The following CCDC148 variants were observed in gnomAD, a reference collection of about 807,000 sequenced individuals.
CCDC148 encodes the protein coiled-coil domain containing 148.
A neutral mutation model predicts 85.7 loss-of-function variants in CCDC148; 89 were observed. The observed-to-expected ratio is 1.04, with a 90% CI of 0.87 to 1.24. The LOEUF (loss-of-function observed/expected upper bound fraction) is 1.24, where lower values mean the gene tolerates loss of function less well. Among genes scored for constraint, CCDC148 ranks in the 50% most tolerant of loss-of-function variants. The pLI is 0.00. For missense variants in CCDC148, 692 were observed against 671.7 expected, an observed-to-expected ratio of 1.03 and a Z score of -0.33; for synonymous variants, 230 against 213.9, an observed-to-expected ratio of 1.08 and a Z score of -0.66.
intron 1 of CCDC148, among the ~76,000 whole-genome samples, chr2:158,428,805 T>C (rs962688025): frequency 3.3e-5 from 5 of 152,024 alleles, no homozygotes; most frequent in African/African-American, 1.2e-4. Flanking sequence ...CAAAGGATTA[T>C]AAATCATTCT....
At chr2:158,382,228 T>C (rs1684901441) in intron 1 of CCDC148, among the ~76,000 whole-genome samples, 1 of 152,264 alleles carries the variant, frequency 6.6e-6, no homozygotes, top group South Asian at 2.1e-4. Context: ...TTCTGAAGTT[T>C]ATTAATTACC....
chr2:158,189,976 G>A (rs1006749288), intron 11 of CCDC148, among the ~76,000 whole-genome samples: 2 of 151,986 alleles, frequency 1.3e-5, no homozygotes, highest in African/African-American at 4.8e-5. Flanking sequence ...ATCCTAAGCT[G>A]TAGGTAAATA....
chr2:158,289,755 T>C (rs1429628925), intron 9 of CCDC148, among the ~76,000 whole-genome samples: 1 of 152,144 alleles, frequency 6.6e-6, no homozygotes, highest in Non-Finnish European at 1.5e-5. Flanking sequence ...GGAACACATA[T>C]AAAAACATTT....
intron 10 of CCDC148, among the ~76,000 whole-genome samples, chr2:158,245,885 C>A (rs1192488558): frequency 6.6e-6 from 1 of 152,158 alleles, no homozygotes; most frequent in Non-Finnish European, 1.5e-5. Flanking sequence ...TCAATATCAT[C>A]TAACAACTTA....
intron 1 of CCDC148, among the ~76,000 whole-genome samples, chr2:158,393,859 A>G (rs1685419404): frequency 6.6e-6 from 1 of 152,150 alleles, no homozygotes; most frequent in Non-Finnish European, 1.5e-5. Context: ...AAAATAGAAC[A>G]GTTTCACCCA....
chr2:158,242,896 C>A (rs922042335), intron 10 of CCDC148, among the ~76,000 whole-genome samples: 1 of 151,996 alleles, frequency 6.6e-6, no homozygotes, highest in Admixed American at 6.6e-5. Flanking sequence ...ATGGAAGCTA[C>A]CCTATACTCT....
intron 7 of CCDC148, among the ~76,000 whole-genome samples, chr2:158,316,690 C>T (rs1252651896): frequency 6.6e-6 from 1 of 152,072 alleles, no homozygotes; most frequent in Admixed American, 6.5e-5. Context: ...AGCAAATATT[C>T]ACATAGGCAG....
chr2:158,442,457 G>A (rs1225365526), intron 1 of CCDC148, among the ~76,000 whole-genome samples: 2 of 152,132 alleles, frequency 1.3e-5, no homozygotes, highest in Non-Finnish European at 2.9e-5. Flanking sequence ...AAAAAATCAC[G>A]TTTCAAACAG....
At chr2:158,253,069 T>C (rs1260376093) in intron 9 of CCDC148, among the ~76,000 whole-genome samples, 1 of 151,702 alleles carries the variant, frequency 6.6e-6, no homozygotes, top group Admixed American at 6.6e-5. Context: ...ACTGTCTCTT[T>C]ACATTTTACA....
At chr2:158,257,978 G>T (rs1404018818) in intron 9 of CCDC148, among the ~76,000 whole-genome samples, 2 of 151,842 alleles carry the variant, frequency 1.3e-5, no homozygotes, top group Non-Finnish European at 1.5e-5. Flanking sequence ...AAATTCACTT[G>T]CTTCTTGGCT....
chr2:158,401,468 C>T (rs963316833), intron 1 of CCDC148, among the ~76,000 whole-genome samples: 3 of 152,120 alleles, frequency 2.0e-5, no homozygotes, highest in African/African-American at 7.2e-5. Context: ...CCAAACACTG[C>T]ATATTCTCAC....
chr2:158,188,134 G>C (rs571138890), intron 11 of CCDC148, among the ~76,000 whole-genome samples: 1 of 151,980 alleles, frequency 6.6e-6, no homozygotes, highest in South Asian at 2.1e-4. Context: ...CAATTATTTG[G>C]GGTCCACTCC....
chr2:158,331,779 T>C (rs1406670664), intron 7 of CCDC148, among the ~76,000 whole-genome samples: 2 of 152,210 alleles, frequency 1.3e-5, no homozygotes, highest in Non-Finnish European at 2.9e-5. Context: ...TTTGTCTCTT[T>C]TGATCTTTGT....
At chr2:158,342,021 C>CTTTTTTTTTTTTTTTTTTTTTT (rs71404402) in intron 3 of CCDC148, among the ~76,000 whole-genome samples, 1 of 85,624 alleles carries the variant, frequency 1.2e-5, no homozygotes, top group African/African-American at 5.3e-5. Context: ...TCATTATTTT[C>CTTTTTTTTTTTTTTTTTTTTTT]TTTTCTTTTT....
chr2:158,325,088 G>GGA, intron 7 of CCDC148, among the ~76,000 whole-genome samples: 1 of 143,100 alleles, frequency 7.0e-6, no homozygotes, highest in Non-Finnish European at 1.5e-5. Context: ...TCTCCTATTT[G>GGA]AAAAAAAAAA....
In CCDC148 at chr2:158,313,893, T is replaced by C; in HGVS notation, c.766A>G (p.Asn256Asp). The C allele has an allele frequency of 6.2e-7, 1 of 1,610,384 alleles. No homozygotes were observed. Among genetic ancestry groups the C allele is most frequent in the South Asian group, 1.1e-5 (1 of 90,268 alleles). ...FNLQLEDIYR[N>D]CQLSEEDHWI... ...TGGTCTTCTTCACTTAGTTGACAGT[T>C]TCTAGAAGCAACAAAAATGTCACAA... is the stretch of plus-strand genomic sequence containing the variant. Residue 256 changes from asparagine (N) to aspartate (D), a missense_variant and splice_region_variant, in exon 8 of 14, where the codon AAC becomes GAC. Asn to Asp is a conservative substitution (Grantham distance 23, BLOSUM62 1). Coordinates refer to ENST00000283233, the MANE Select transcript of CCDC148 (RefSeq NM_138803.4).
chr2:158,361,366 A>T (rs891921522), intron 1 of CCDC148, among the ~76,000 whole-genome samples: 5 of 152,142 alleles, frequency 3.3e-5, no homozygotes, highest in African/African-American at 9.7e-5. Flanking sequence ...CCCAAGACAC[A>T]TAATCATGAG....
At chr2:158,407,509 G>A (rs559043516) in intron 1 of CCDC148, among the ~76,000 whole-genome samples, 1 of 152,026 alleles carries the variant, frequency 6.6e-6, no homozygotes, top group South Asian at 2.1e-4. Context: ...TTTTTAAATT[G>A]ACATATTAAG....
At chr2:158,407,619 A>G (rs944688267) in intron 1 of CCDC148, among the ~76,000 whole-genome samples, 1 of 152,178 alleles carries the variant, frequency 6.6e-6, no homozygotes, top group Non-Finnish European at 1.5e-5. Flanking sequence ...GCAGTACAGC[A>G]TCCGGCAAGA....
Sources: allele counts gnomAD v4.1 joint callset (sites outside exome capture counted in the v4.1 genomes callset), GRCh38; gene constraint gnomAD v4.1.1; transcripts MANE v1.5; gene names NCBI Gene and HGNC (gene_info 2026-07-23, HGNC 2026-07-21).